The following THSD7B variants were observed in gnomAD, a reference collection of about 807,000 sequenced individuals.
THSD7B encodes thrombospondin type 1 domain containing 7B, also known as thrombospondin type-1 domain-containing protein 7B.
In THSD7B, 138 loss-of-function variants were observed where a neutral mutation model predicts 213.6. The observed-to-expected ratio is 0.65, with a 90% CI of 0.56 to 0.74. THSD7B has a LOEUF of 0.74. Among genes scored for constraint, THSD7B ranks in the 30% least tolerant of loss-of-function variants. The pLI is 0.00. For missense variants in THSD7B, 1,931 were observed against 1,991.5 expected (o/e 0.97, Z 0.58); for synonymous variants, 742 against 687.0 (o/e 1.08, Z -1.25).
At chr2:137,316,693 G>A (rs1376381321) in intron 12 of THSD7B, among the ~76,000 whole-genome samples, 1 of 150,944 alleles carries the variant, frequency 6.6e-6, no homozygotes, top group East Asian at 2.0e-4. Context: ...TGGAGGCGGA[G>A]CTTGCAGTGA....
At chr2:137,160,098 A>G in intron 5 of THSD7B, 115 bp from the exon 6 acceptor site, 7 of 1,187,586 alleles carry the variant, frequency 5.9e-6, no homozygotes, top group Non-Finnish European at 8.1e-6. Flanking sequence ...TTCTTTGCAT[A>G]TGTTCTTTTT....
At chr2:137,615,158 C>A (rs1459202680) in intron 17 of THSD7B, among the ~76,000 whole-genome samples, 1 of 151,616 alleles carries the variant, frequency 6.6e-6, no homozygotes, top group African/African-American at 2.4e-5. Flanking sequence ...TCCAACATGC[C>A]CTAAAGGAAT....
At chr2:137,417,685 G>A (rs1313207559) in intron 14 of THSD7B, among the ~76,000 whole-genome samples, 2 of 152,010 alleles carry the variant, frequency 1.3e-5, no homozygotes, top group East Asian at 1.9e-4. Context: ...CTCCCACCAA[G>A]GCCTCTCAAA....
At chr2:137,403,703 G>T (rs1222580492) in intron 12 of THSD7B, among the ~76,000 whole-genome samples, 1 of 152,178 alleles carries the variant, frequency 6.6e-6, no homozygotes, top group Non-Finnish European at 1.5e-5. Context: ...GATCTGAAGT[G>T]GTACCATGGA....
In THSD7B at chr2:137,541,397, C is replaced by T. The variant is rs140766701; in HGVS notation, c.3139-21824C>T. ...TAGACTTAAGGAGACAACTATTTTT[C>T]AAATATTTTATTTAATTTTATTTTT... is the stretch of plus-strand genomic sequence containing the variant. On this transcript the variant is annotated intron_variant, in intron 15 of 27. Transcript: ENST00000409968. 4.8e-3 allele frequency among the ~76,000 whole-genome samples: 726 copies of T among 151,616 alleles called. 4 individuals carry two copies. Among genetic ancestry groups the T allele is most frequent in the African/African-American group, 0.017 (693 of 41,458 alleles).
rs139180058 is a variant in THSD7B at position 137,604,503 on chromosome 2, A to C, written c.3424-11672A>C. Among the ~76,000 whole-genome samples the C allele has an allele frequency of 4.9e-3, 751 of 152,296 alleles. 2 individuals carry two copies. The highest frequency in any genetic ancestry group is 7.5e-3 in the Non-Finnish European group (509 of 68,014). On this transcript the variant is annotated intron_variant, in intron 17 of 27. Transcript: ENST00000409968. ...AAGAAAAGGCCAGATTTTTGCTTTG[A>C]ATTTTAACATGTATCTATCATCTAG... is the stretch of plus-strand genomic sequence containing the variant.
chr2:137,344,903 C>A (rs1002438988), intron 12 of THSD7B, among the ~76,000 whole-genome samples: 1 of 151,496 alleles, frequency 6.6e-6, no homozygotes, highest in Non-Finnish European at 1.5e-5. Flanking sequence ...TCAAAGGGAG[C>A]CTGATATCTG....
At chr2:137,290,456 C>G (rs746241105) in intron 12 of THSD7B, among the ~76,000 whole-genome samples, 52 of 152,222 alleles carry the variant, frequency 3.4e-4, no homozygotes, top group Admixed American at 1.1e-3. Flanking sequence ...GATGCTTACT[C>G]TGTCTCTCTA....
intron 15 of THSD7B, among the ~76,000 whole-genome samples, chr2:137,469,207 A>T (rs897492919): frequency 1.3e-5 from 2 of 152,222 alleles, no homozygotes; most frequent in Admixed American, 1.3e-4. Flanking sequence ...AAGGTAATTG[A>T]ATAGAACACT....
At chr2:137,406,792 CA>C (rs1003541404) in intron 13 of THSD7B, among the ~76,000 whole-genome samples, 1 of 152,164 alleles carries the variant, frequency 6.6e-6, no homozygotes, top group African/African-American at 2.4e-5. Context: ...GAACACCAAA[CA>C]AGAAATGCTG....
intron 20 of THSD7B, among the ~76,000 whole-genome samples, chr2:137,635,531 G>A (rs76467371): frequency 0.11 from 17,240 of 152,042 alleles, 1,178 homozygotes; most frequent in South Asian, 0.22. Flanking sequence ...TATGTATTTT[G>A]TAATTTCATT....
intron 17 of THSD7B, among the ~76,000 whole-genome samples, chr2:137,578,676 G>A (rs1681512782): frequency 6.6e-6 from 1 of 152,234 alleles, no homozygotes; most frequent in South Asian, 2.1e-4. Flanking sequence ...CCCCACCCAA[G>A]CATTCAGCAG....
At chr2:137,495,630 T>G (rs1264105622) in intron 15 of THSD7B, among the ~76,000 whole-genome samples, 1 of 152,168 alleles carries the variant, frequency 6.6e-6, no homozygotes, top group African/African-American at 2.4e-5. Flanking sequence ...TCCAAATGAT[T>G]GGTGCAAGAG....
At chr2:137,170,636 G>A (rs1366780733) in intron 6 of THSD7B, 105 bp from the exon 7 acceptor site, 2 of 1,044,570 alleles carry the variant, frequency 1.9e-6, no homozygotes, top group East Asian at 2.5e-5. Flanking sequence ...CGTGCTTAGA[G>A]CGATGAGTAC....
At chr2:136,971,193 G>A (rs935588847) in intron 2 of THSD7B, among the ~76,000 whole-genome samples, 4 of 152,104 alleles carry the variant, frequency 2.6e-5, no homozygotes, top group African/African-American at 9.7e-5. Context: ...GCCCAAAAAA[G>A]CCACTAGTTC....
intron 18 of THSD7B, 81 bp from the exon 19 acceptor site, chr2:137,618,311 A>G: frequency 1.8e-6 from 2 of 1,098,198 alleles, no homozygotes; most frequent in Non-Finnish European, 2.7e-6. Flanking sequence ...TCTCCACCAA[A>G]GCAGATAATC....
intron 15 of THSD7B, among the ~76,000 whole-genome samples, chr2:137,553,138 G>A (rs1680883002): frequency 6.6e-6 from 1 of 152,158 alleles, no homozygotes; most frequent in Non-Finnish European, 1.5e-5. Flanking sequence ...TCTGGTCCCA[G>A]ATGGGCCTTT....
chr2:137,061,301 C>CAAA (rs35908147), intron 3 of THSD7B, among the ~76,000 whole-genome samples: 13,015 of 144,918 alleles, frequency 0.09, 1,330 homozygotes, highest in East Asian at 0.28. Context: ...ATGTCATCTG[C>CAAA]AAAAAAAAAA....
chr2:137,372,321 CTCTTTTTT>C (rs1558773871), intron 12 of THSD7B, among the ~76,000 whole-genome samples: 1 of 79,486 alleles, frequency 1.3e-5, no homozygotes, highest in Admixed American at 1.6e-4. Flanking sequence ...TCTGATAATA[CTCTTTTTT>C]TTTTTTTTTT....
Sources: gnomAD v4.1 joint callset for allele counts (sites outside exome capture counted in the v4.1 genomes callset) on GRCh38, gnomAD v4.1.1 for gene constraint, MANE v1.5 for transcripts, NCBI Gene and HGNC (gene_info 2026-07-23, HGNC 2026-07-21) for gene names.